The following STAT3 variants were observed in gnomAD, a reference collection of about 807,000 sequenced individuals.
The protein encoded by STAT3 is DNA-binding protein APRF.
In STAT3, 7 loss-of-function variants were observed where a neutral mutation model predicts 114.3. That is an observed-to-expected ratio of 0.06 (90% CI 0.03 to 0.11). STAT3 has a LOEUF of 0.11. Among genes scored for constraint, STAT3 ranks in the 10% least tolerant of loss-of-function variants. The probability of loss-of-function intolerance (pLI) is 1.00; values close to 1 mark genes in which losing one functional copy is unlikely to be tolerated. For synonymous variants in STAT3, 331 were observed against 354.5 expected (o/e 0.93, Z 0.74); for missense variants, 364 against 960.9 (o/e 0.38, Z 8.21).
Position 42,313,379 on chromosome 17 carries a change from C to CAAAAAAAAAAAAAAAAAAAA in STAT3, c.*2346_*2365dup, listed in dbSNP as rs397857989. ...AGTTAAAGTAGATACAGCAATATAC[C>CAAAAAAAAAAAAAAAAAAAA]AAAAAAAAAAAAAAAAAAAAAAGAC... On this transcript the variant is annotated 3_prime_UTR_variant, in exon 24 of 24. Coordinates refer to ENST00000264657, the MANE Select transcript of STAT3 (RefSeq NM_139276.3). 1 of 83,026 alleles carries CAAAAAAAAAAAAAAAAAAAA rather than the reference C, an allele frequency of 1.2e-5. No individual in the cohort carries two copies. The highest frequency in any genetic ancestry group is 2.2e-5 in the Non-Finnish European group (1 of 44,910). The allele number at this position is 83,026 out of a possible 1,614,324, so 5.1% of individuals were successfully genotyped here.
intron 15 of STAT3, 40 bp downstream of exon 15, chr17:42,326,076 C>G: frequency 6.3e-7 from 1 of 1,576,656 alleles, no homozygotes; most frequent in South Asian, 1.1e-5. Context: ...CTGAGTCACC[C>G]CTGTACGTAG....
At position 42,326,152 on chromosome 17, in the gene STAT3, G is replaced by A. The variant is rs147955721; in HGVS notation, c.1329C>T (p.Thr443=). 239 of 1,613,894 alleles carry A rather than the reference G, an allele frequency of 1.5e-4. 1 individual carries two copies. The African/African-American group carries it at 2.6e-3, about 18-fold the overall frequency. ...TCTTGAGGCCTTGGTGATACACCTC[G>A]GTCTCAAAGGTGATCAGGTGCAGCT... is the stretch of plus-strand genomic sequence containing the variant. ...TEELHLITFE[T]EVYHQGLKID... The change falls in exon 15 of 24, where the codon ACC becomes ACT. Residue 443 remains threonine, a synonymous_variant. Transcript: ENST00000264657.
At chr17:42,368,732 CTTT>C (rs763404467) in intron 1 of STAT3, among the ~76,000 whole-genome samples, 2 of 136,886 alleles carry the variant, frequency 1.5e-5, no homozygotes, top group Non-Finnish European at 1.6e-5. Context: ...TGCAACCAGC[CTTT>C]TTTTTTTTTT....
intron 21 of STAT3, among the ~76,000 whole-genome samples, chr17:42,320,677 C>T (rs974767650): frequency 2.1e-5 from 3 of 143,656 alleles, no homozygotes; most frequent in South Asian, 4.4e-4. Context: ...TGCAGTGAGC[C>T]GAGATGGTGC....
intron 21 of STAT3, among the ~76,000 whole-genome samples, chr17:42,320,811 T>C (rs1334075980): frequency 1.4e-5 from 2 of 147,570 alleles, no homozygotes; most frequent in African/African-American, 5.0e-5. Context: ...AACCAGAGAC[T>C]CCCCATCAAG....
intron 4 of STAT3, among the ~76,000 whole-genome samples, chr17:42,343,640 A>C (rs2082556642): frequency 6.6e-6 from 1 of 151,750 alleles, no homozygotes; most frequent in South Asian, 2.1e-4. Context: ...TTTTTAGTAG[A>C]GATGGGGTTT....
At chr17:42,335,582 G>A (rs1324547780) in intron 8 of STAT3, among the ~76,000 whole-genome samples, 1 of 152,196 alleles carries the variant, frequency 6.6e-6, no homozygotes, top group Non-Finnish European at 1.5e-5. Context: ...AGGAATAAGT[G>A]AATAGAGAGG....
At chr17:42,347,937 C>A (rs1053413217) in intron 2 of STAT3, among the ~76,000 whole-genome samples, 2 of 152,178 alleles carry the variant, frequency 1.3e-5, no homozygotes, top group African/African-American at 4.8e-5. Context: ...TTATAAATTA[C>A]CCAGTCTCAG....
At chr17:42,344,151 G>A (rs757878776) in intron 4 of STAT3, among the ~76,000 whole-genome samples, 16 of 152,136 alleles carry the variant, frequency 1.1e-4, no homozygotes, top group East Asian at 3.8e-4. Context: ...AGCCAGGTGC[G>A]GTTGCTCACG....
chr17:42,329,175 ACTTCTC>A (rs2081879025), intron 14 of STAT3, among the ~76,000 whole-genome samples: 1 of 152,200 alleles, frequency 6.6e-6, no homozygotes, highest in East Asian at 1.9e-4. Flanking sequence ...GGGACTTTCC[ACTTCTC>A]CTTAAGGAGG....
chr17:42,367,213 C>T (rs2083850986), intron 1 of STAT3, among the ~76,000 whole-genome samples: 2 of 151,950 alleles, frequency 1.3e-5, no homozygotes, highest in Admixed American at 1.3e-4. Flanking sequence ...GTGGCCCAAG[C>T]CTGTAATCCT....
In STAT3 at chr17:42,337,850, T is replaced by C. The variant is rs768898076; in HGVS notation, c.558A>G (p.Gln186=). The C allele has an allele frequency of 3.2e-5, 52 of 1,614,178 alleles. No homozygotes were observed. Among genetic ancestry groups the C allele is most frequent in the Non-Finnish European group, 4.3e-5 (51 of 1,180,038 alleles). ...CTGACTGGTTGTTTCCATTCAGATC[T>C]TGCATGTCTGCGAAGGAAGAAAAAA... ...YKTLKSQGDM[Q]DLNGNNQSVT... Residue 186 remains glutamine (Q), a synonymous_variant, in exon 7 of 24, where the codon CAA becomes CAG. Coordinates refer to ENST00000264657, the MANE Select transcript of STAT3 (RefSeq NM_139276.3). The surrounding 1 kb of genome is among the most constrained non-coding windows in gnomAD (Gnocchi z 4.0).
At position 42,315,250 on chromosome 17, in the gene STAT3, T is replaced by G. The variant is rs1598376992; in HGVS notation, c.*495A>C. 1 of 279,368 alleles carries G rather than the reference T, an allele frequency of 3.6e-6. No individual in the cohort carries two copies. The highest frequency in any genetic ancestry group is 5.5e-5 in the East Asian group (1 of 18,222). 17.3% of individuals were successfully genotyped at this position (279,368 alleles called of 1,614,324 possible). A position where few individuals can be genotyped will look rare whatever the true frequency, so the allele number is the denominator to read the frequency against. On this transcript the variant is annotated 3_prime_UTR_variant, in exon 24 of 24. Transcript: ENST00000264657. ...CTTAATTTAAAAAGAAACCTAGGGC[T>G]TAGATAGTCCTATCTTCTATTTGGA...
intron 1 of STAT3, among the ~76,000 whole-genome samples, chr17:42,386,652 C>T (rs1208119120): frequency 6.6e-6 from 1 of 152,152 alleles, no homozygotes; most frequent in Non-Finnish European, 1.5e-5. Context: ...CCACCTCAGC[C>T]TTCAATTAGC....
At chr17:42,378,076 C>G (rs912950263) in intron 1 of STAT3, among the ~76,000 whole-genome samples, 2 of 150,752 alleles carry the variant, frequency 1.3e-5, no homozygotes, top group Non-Finnish European at 2.9e-5. Context: ...ACCTCCACCT[C>G]CCAGGTTCAA....
intron 4 of STAT3, among the ~76,000 whole-genome samples, chr17:42,340,702 G>T (rs1322789314): frequency 6.6e-6 from 1 of 152,038 alleles, no homozygotes; most frequent in East Asian, 1.9e-4. Context: ...AAACTTCTTA[G>T]AAGTTTTGGG....
At chr17:42,319,506 C>T (rs1567704641) in intron 21 of STAT3, among the ~76,000 whole-genome samples, 1 of 128,784 alleles carries the variant, frequency 7.8e-6, no homozygotes, top group Non-Finnish European at 1.5e-5. Flanking sequence ...CGCGCCACTG[C>T]ACTCCAGTCT....
intron 1 of STAT3, among the ~76,000 whole-genome samples, chr17:42,349,318 G>A (rs2082836368): frequency 2.6e-5 from 4 of 152,186 alleles, no homozygotes; most frequent in Admixed American, 6.5e-5. Flanking sequence ...ACTCCTCAGA[G>A]GTATTGAGAT....
chr17:42,348,262 C>G (rs962073750), intron 2 of STAT3, 127 bp downstream of exon 2: 9 of 1,380,926 alleles, frequency 6.5e-6, no homozygotes, highest in Non-Finnish European at 8.2e-6. Flanking sequence ...ATCTCCTGAT[C>G]TCATTTTCCC....
Sources: allele counts gnomAD v4.1 joint callset (sites outside exome capture counted in the v4.1 genomes callset), GRCh38; gene constraint gnomAD v4.1.1; non-coding constraint Gnocchi (gnomAD v3.1); transcripts MANE v1.5; gene names NCBI Gene and HGNC (gene_info 2026-07-23, HGNC 2026-07-21).